Variants in MBOAT2 observed in about 807,000 individuals in gnomAD.
MBOAT2 encodes the protein membrane bound glycerophospholipid O-acyltransferase 2.
Under a neutral mutation model 63.4 loss-of-function variants are expected in MBOAT2, and 28 were observed. That is an observed-to-expected ratio of 0.44 (90% confidence interval 0.33 to 0.61). The LOEUF (loss-of-function observed/expected upper bound fraction) is 0.61, where lower values mean the gene tolerates loss of function less well. Ranked by LOEUF, MBOAT2 falls within the 20% of genes least tolerant of loss-of-function variation. MBOAT2 has a pLI of 0.03. For missense variants in MBOAT2, 470 were observed against 605.8 expected (o/e 0.78, Z 2.35); for synonymous variants, 211 against 215.6 (o/e 0.98, Z 0.19).
At chr2:8,905,572 G>A (rs956786221) in intron 4 of MBOAT2, among the ~76,000 whole-genome samples, 3 of 152,136 alleles carry the variant, frequency 2.0e-5, no homozygotes, top group Non-Finnish European at 2.9e-5. Flanking sequence ...ACCAAACACC[G>A]CATGTTGTTA....
At chr2:8,867,638 G>C (rs1319133005) in intron 9 of MBOAT2, among the ~76,000 whole-genome samples, 3 of 152,176 alleles carry the variant, frequency 2.0e-5, no homozygotes, top group Non-Finnish European at 4.4e-5. Context: ...TTCTGGGCCT[G>C]ATTCATAACT....
At chr2:8,935,780 C>T (rs1488259315) in intron 3 of MBOAT2, among the ~76,000 whole-genome samples, 1 of 152,212 alleles carries the variant, frequency 6.6e-6, no homozygotes, top group Non-Finnish European at 1.5e-5. Context: ...CTTAGCAGAG[C>T]TTGAATTCAA....
chr2:8,917,237 C>T (rs767633947), intron 3 of MBOAT2, among the ~76,000 whole-genome samples: 1 of 151,926 alleles, frequency 6.6e-6, no homozygotes, highest in Admixed American at 6.6e-5. Context: ...ATAAAAAGCT[C>T]CAAACTAAAA....
At chr2:8,939,804 A>G (rs1667920426) in intron 3 of MBOAT2, among the ~76,000 whole-genome samples, 1 of 152,166 alleles carries the variant, frequency 6.6e-6, no homozygotes, top group Admixed American at 6.5e-5. Context: ...TGTCAAAATC[A>G]CTAGAAAGAA....
intron 3 of MBOAT2, among the ~76,000 whole-genome samples, chr2:8,920,682 T>C (rs1666504815): frequency 6.6e-6 from 1 of 151,748 alleles, no homozygotes; most frequent in African/African-American, 2.4e-5. Flanking sequence ...TACTTCTCCA[T>C]TTAATCTTCT....
At chr2:8,909,431 C>A (rs1025622081) in intron 3 of MBOAT2, among the ~76,000 whole-genome samples, 5 of 152,052 alleles carry the variant, frequency 3.3e-5, no homozygotes, top group African/African-American at 1.2e-4. Flanking sequence ...CACACCGAAA[C>A]AATTCTATGT....
chr2:8,970,951 G>T (rs554072575), intron 1 of MBOAT2, among the ~76,000 whole-genome samples: 3 of 152,154 alleles, frequency 2.0e-5, no homozygotes, highest in Non-Finnish European at 4.4e-5. Context: ...GGAGGAACTG[G>T]TACCATTCCT....
rs557620859 is a variant in MBOAT2 at position 8,919,541 on chromosome 2, T to C, written c.300-10825A>G. ...GCATATTGGCCATGAAATGTGTAAC[T>C]AGCAATTCTGTCCATCTTTAAATTG... On this transcript the variant is annotated intron_variant, in intron 3 of 12. Coordinates refer to ENST00000305997, the MANE Select transcript of MBOAT2 (RefSeq NM_138799.4). 8.5e-5 allele frequency among the ~76,000 whole-genome samples: 13 copies of C among 152,334 alleles called. 1 individual carries two copies. Among genetic ancestry groups the C allele is most frequent in the Admixed American group, 6.5e-4 (10 of 15,306 alleles).
intron 1 of MBOAT2, among the ~76,000 whole-genome samples, chr2:8,981,736 T>C (rs1185178376): frequency 6.6e-6 from 1 of 152,162 alleles, no homozygotes; most frequent in Non-Finnish European, 1.5e-5. Context: ...ACAGTGTTTA[T>C]TGTTGGACTA....
chr2:8,971,590 G>A (rs996772818), intron 1 of MBOAT2, among the ~76,000 whole-genome samples: 5 of 152,186 alleles, frequency 3.3e-5, no homozygotes, highest in South Asian at 2.1e-4. Flanking sequence ...CCTGTTTGCA[G>A]ATAACATAAT....
chr2:8,860,099 A>G (rs1027025461), intron 12 of MBOAT2, among the ~76,000 whole-genome samples: 4 of 151,960 alleles, frequency 2.6e-5, no homozygotes, highest in African/African-American at 9.7e-5. Context: ...GAGGCAGAGA[A>G]TTGCTTGAAC....
chr2:8,882,485 G>A (rs1339951986), intron 6 of MBOAT2, 26 bp downstream of exon 6: 2 of 1,612,946 alleles, frequency 1.2e-6, no homozygotes, highest in Non-Finnish European at 1.7e-6. Context: ...AGGAAGCATG[G>A]CAGAATAGGA....
intron 8 of MBOAT2, among the ~76,000 whole-genome samples, chr2:8,870,575 CAG>C (rs1317391702): frequency 2.6e-5 from 4 of 152,116 alleles, no homozygotes; most frequent in African/African-American, 4.8e-5. Context: ...AAAAAGGTGA[CAG>C]GGGTGGAGAT....
At chr2:8,898,758 G>A (rs527276994) in intron 4 of MBOAT2, among the ~76,000 whole-genome samples, 1 of 152,258 alleles carries the variant, frequency 6.6e-6, no homozygotes, top group African/African-American at 2.4e-5. Context: ...CAAAGGCAAA[G>A]AGAAACTGGG....
At chr2:8,897,879 G>A (rs1025768276) in intron 4 of MBOAT2, among the ~76,000 whole-genome samples, 14 of 152,156 alleles carry the variant, frequency 9.2e-5, no homozygotes, top group African/African-American at 2.4e-4. Flanking sequence ...AAGGAGTAGC[G>A]CCTGGTATCT....
intron 8 of MBOAT2, among the ~76,000 whole-genome samples, chr2:8,869,564 A>T (rs1284440634): frequency 6.6e-6 from 1 of 152,148 alleles, no homozygotes; most frequent in Admixed American, 6.6e-5. Flanking sequence ...GTATCCTTAA[A>T]TTGTTTTATT....
In MBOAT2 at chr2:8,969,269, C is replaced by T. The variant is rs1205842870; in HGVS notation, c.76-10627G>A. ...ACCCAGAATTTCATATCCAGCCAAA[C>T]TAAGCTTCATAAGTGAAGGAGAAAT... On this transcript the variant is annotated intron_variant, in intron 1 of 12. Coordinates refer to ENST00000305997, the MANE Select transcript of MBOAT2 (RefSeq NM_138799.4). Among the ~76,000 whole-genome samples, 3 of 152,010 alleles carry T rather than the reference C, an allele frequency of 2.0e-5. 1 individual carries two copies. The highest frequency in any genetic ancestry group is 7.3e-5 in the African/African-American group (3 of 41,322).
At chr2:8,897,962 G>A (rs1405207382) in intron 4 of MBOAT2, among the ~76,000 whole-genome samples, 3 of 152,202 alleles carry the variant, frequency 2.0e-5, no homozygotes, top group Non-Finnish European at 4.4e-5. Context: ...GAGTAGTTCA[G>A]ATAGTGAGAT....
intron 3 of MBOAT2, among the ~76,000 whole-genome samples, chr2:8,912,357 GAAAGAAAGAAAGAAAGAGAA>G (rs1665813322): frequency 9.6e-5 from 10 of 104,260 alleles, no homozygotes; most frequent in African/African-American, 2.0e-4. Context: ...GAAAGAGAAA[GAAAGAAAGAAAGAAAGAGAA>G]AGAAAGAAAG....
Sources: allele counts gnomAD v4.1 joint callset (sites outside exome capture counted in the v4.1 genomes callset), GRCh38; gene constraint gnomAD v4.1.1; transcripts MANE v1.5; gene names NCBI Gene and HGNC (gene_info 2026-07-23, HGNC 2026-07-21).